The following TMTC4 variants were observed in gnomAD, a reference collection of about 807,000 sequenced individuals.
The protein encoded by TMTC4 is transmembrane O-mannosyltransferase targeting cadherins 4.
In TMTC4, 65 loss-of-function variants were observed where a neutral mutation model predicts 86.0. The ratio of observed to expected loss-of-function variants is 0.76; its 90% CI spans 0.62 to 0.93. The LOEUF is 0.93. Among genes scored for constraint, TMTC4 ranks in the 40% least tolerant of loss-of-function variants. The pLI is 0.00. For missense variants in TMTC4, 866 were observed against 948.1 expected, an observed-to-expected ratio of 0.91 and a Z score of 1.14; for synonymous variants, 379 against 382.5, an observed-to-expected ratio of 0.99 and a Z score of 0.11.
At chr13:100,674,292 C>T in intron 1 of TMTC4, 1 of 979,264 alleles carries the variant, frequency 1.0e-6, no homozygotes, top group South Asian at 4.7e-5. Context: ...GCCAAGCGGC[C>T]CGGCTGTGTC....
intron 6 of TMTC4, among the ~76,000 whole-genome samples, chr13:100,655,621 AG>A (rs1353736026): frequency 2.6e-5 from 4 of 152,176 alleles, no homozygotes; most frequent in Non-Finnish European, 5.9e-5. Context: ...CCCTTACCCC[AG>A]GAAGAGACTG....
At chr13:100,662,760 C>T (rs1885932895) in intron 5 of TMTC4, among the ~76,000 whole-genome samples, 1 of 152,152 alleles carries the variant, frequency 6.6e-6, no homozygotes, top group Non-Finnish European at 1.5e-5. Flanking sequence ...GATGTCTCTG[C>T]CCCAGACAGA....
intron 12 of TMTC4, among the ~76,000 whole-genome samples, chr13:100,632,065 T>A (rs908989059): frequency 3.7e-3 from 307 of 81,936 alleles, no homozygotes; most frequent in South Asian, 0.014. Context: ...TCTCTCTCTC[T>A]CTCTCTCTCT....
chr13:100,624,929 T>C (rs554133161), intron 15 of TMTC4: 2 of 152,626 alleles, frequency 1.3e-5, no homozygotes, highest in Admixed American at 1.3e-4. Flanking sequence ...ATTTTATTTT[T>C]GTCAAGAAAA....
At chr13:100,665,918 T>C (rs1678774851) in intron 3 of TMTC4, 2 of 430,906 alleles carry the variant, frequency 4.6e-6, no homozygotes, top group Admixed American at 2.5e-5. Context: ...GTGAAGGTCA[T>C]GTGAGGCACC....
chr13:100,615,963 C>T (rs1178776366), intron 15 of TMTC4, among the ~76,000 whole-genome samples: 1 of 152,248 alleles, frequency 6.6e-6, no homozygotes, highest in South Asian at 2.1e-4. Context: ...TGTATTAGCG[C>T]TCACTTATGA....
intron 6 of TMTC4, among the ~76,000 whole-genome samples, chr13:100,644,896 C>G (rs1009168737): frequency 3.3e-5 from 5 of 152,018 alleles, no homozygotes; most frequent in Non-Finnish European, 5.9e-5. Flanking sequence ...CTCACTGCAA[C>G]CTCCGCCTCC....
In TMTC4 at chr13:100,626,101, G is replaced by C; in HGVS notation, c.1556C>G (p.Ala519Gly). 6.2e-7 allele frequency: 1 copy of C among 1,614,252 alleles called. No homozygotes were observed. The highest frequency in any genetic ancestry group is 8.5e-7 in the Non-Finnish European group (1 of 1,180,046). Reference sequence around the variant, plus strand: ...AGCTTCCCGGTAGTATCTGATGGCAGCTGTCTGGTTGCCTTTATCAGCCAG... The same window carrying C: ...AGCTTCCCGGTAGTATCTGATGGCACCTGTCTGGTTGCCTTTATCAGCCAG... ...KNLADKGNQTAAIRYYREAVR... is the reference protein window; with the variant it reads ...KNLADKGNQTGAIRYYREAVR... The change falls in exon 13 of 19, where the codon GCT (alanine) becomes GGT (glycine). Residue 519 changes from alanine to glycine, a missense_variant. Physicochemically the swap from Ala to Gly is moderately conservative, Grantham distance 60. Coordinates refer to ENST00000342624, the MANE Select transcript of TMTC4 (RefSeq NM_032813.5).
At position 100,637,558 on chromosome 13, in the gene TMTC4, C is replaced by T. The variant is rs1381149813; in HGVS notation, c.979G>A (p.Ala327Thr). 1 of 1,613,760 alleles carries T rather than the reference C, an allele frequency of 6.2e-7. No homozygotes were observed. Among genetic ancestry groups the T allele is most frequent in the Non-Finnish European group, 8.5e-7 (1 of 1,179,846 alleles). Reference sequence around the variant, plus strand: ...CTCACCCTCACCAGCATGCTGTCAGCAAAGGAGGCCGGGTTGTCCACCTCG... The same window carrying T: ...CTCACCCTCACCAGCATGCTGTCAGTAAAGGAGGCCGGGTTGTCCACCTCG... ...FTEVDNPASFADSMLVRAVNY... is the reference protein window; with the variant it reads ...FTEVDNPASFTDSMLVRAVNY... The change falls in exon 9 of 19, where the codon GCT becomes ACT. Residue 327 changes from alanine to threonine, a missense_variant. Coordinates refer to ENST00000342624, the MANE Select transcript of TMTC4 (RefSeq NM_032813.5).
chr13:100,614,497 TAAAAA>T, intron 15 of TMTC4, 67 bp from the exon 16 acceptor site: 2 of 768,392 alleles, frequency 2.6e-6, no homozygotes, highest in Non-Finnish European at 1.8e-6. Context: ...AAGACATTAT[TAAAAA>T]AAAAAAAAAA....
At chr13:100,668,540 G>T (rs1886675607) in intron 3 of TMTC4, 39 bp downstream of exon 3, 2 of 1,578,188 alleles carry the variant, frequency 1.3e-6, no homozygotes, top group South Asian at 1.1e-5. Flanking sequence ...AGACACAGTT[G>T]GGCAGTTAAG....
chr13:100,621,817 C>T lies in TMTC4; in HGVS notation c.1836+3718G>A, dbSNP rs148878355. Among the ~76,000 whole-genome samples, 554 of 152,258 alleles carry T rather than the reference C, an allele frequency of 3.6e-3. 5 individuals carry two copies. Among genetic ancestry groups the T allele is most frequent in the African/African-American group, 0.012 (486 of 41,538 alleles). Reference sequence around the variant, plus strand: ...TGAACAGAAACGGTAATCCCTACACCCATATATTCATAACCACCCAAATGC... The same window carrying T: ...TGAACAGAAACGGTAATCCCTACACTCATATATTCATAACCACCCAAATGC... On this transcript the variant is annotated intron_variant, in intron 15 of 18. Coordinates refer to ENST00000342624, the MANE Select transcript of TMTC4 (RefSeq NM_032813.5).
At chr13:100,606,310 TTAAAG>T in intron 18 of TMTC4, 43 bp downstream of exon 18, 2 of 1,546,136 alleles carry the variant, frequency 1.3e-6, no homozygotes, top group South Asian at 2.3e-5. Context: ...ACCCACTTCA[TTAAAG>T]TAACAAAATT....
intron 6 of TMTC4, among the ~76,000 whole-genome samples, chr13:100,648,660 G>C (rs1472965471): frequency 6.6e-6 from 1 of 152,130 alleles, no homozygotes; most frequent in Non-Finnish European, 1.5e-5. Context: ...ATCCCTACCG[G>C]ATTAGTCACT....
intron 16 of TMTC4, 94 bp from the exon 17 acceptor site, chr13:100,612,604 C>G (rs1566560501): frequency 1.2e-6 from 1 of 828,684 alleles, no homozygotes; most frequent in Non-Finnish European, 2.0e-6. Flanking sequence ...GTGCACAGCA[C>G]ATGACAATTA....
intron 6 of TMTC4, among the ~76,000 whole-genome samples, chr13:100,650,431 T>C (rs972257129): frequency 1.3e-5 from 2 of 152,228 alleles, no homozygotes; most frequent in African/African-American, 2.4e-5. Flanking sequence ...TCCTTTCCAG[T>C]GGGAAGATCT....
chr13:100,623,980 C>A (rs1566578390), intron 15 of TMTC4: 2 of 384,918 alleles, frequency 5.2e-6, no homozygotes, highest in Non-Finnish European at 5.1e-6. Flanking sequence ...CTCTTCCTTG[C>A]AGTCATCATG....
chr13:100,630,626 G>A (rs1001149248), intron 12 of TMTC4, among the ~76,000 whole-genome samples: 7 of 152,092 alleles, frequency 4.6e-5, no homozygotes, highest in African/African-American at 1.2e-4. Flanking sequence ...AATCCAATCT[G>A]TCAGTGATGT....
intron 7 of TMTC4, among the ~76,000 whole-genome samples, chr13:100,639,400 G>C (rs1218756826): frequency 3.3e-5 from 5 of 152,240 alleles, no homozygotes. Flanking sequence ...CCACTTTCTA[G>C]AAGGCAGATG....
Sources: gnomAD v4.1 joint callset for allele counts (sites outside exome capture counted in the v4.1 genomes callset) on GRCh38, gnomAD v4.1.1 for gene constraint, MANE v1.5 for transcripts, NCBI Gene and HGNC (gene_info 2026-07-23, HGNC 2026-07-21) for gene names.